MARVELD3: variants seen among roughly 807,000 people sequenced by gnomAD.
MARVELD3 encodes the protein MARVEL domain containing 3, also known as MARVEL domain-containing protein 3.
MARVELD3 carries 28 observed loss-of-function variants against 33.5 expected under a neutral mutation model. The ratio of observed to expected loss-of-function variants is 0.84; its 90% CI spans 0.62 to 1.15. MARVELD3 has a LOEUF of 1.15. Among genes scored for constraint, MARVELD3 ranks in the 50% most tolerant of loss-of-function variants. MARVELD3 has a pLI of 0.00. For missense variants in MARVELD3, 582 were observed against 547.6 expected (o/e 1.06, Z -0.63); for synonymous variants, 241 against 230.4 (o/e 1.05, Z -0.42).
chr16:71,641,255 C>T (rs769781391), downstream of MARVELD3: 4 of 530,784 alleles, frequency 7.5e-6, no homozygotes, highest in Non-Finnish European at 1.3e-5. Flanking sequence ...CAGATTGAGT[C>T]CAGCCTGGCT....
chr16:71,635,109 C>T lies in MARVELD3; in HGVS notation c.*306C>T, dbSNP rs1272091951. The stretch of plus-strand genomic sequence containing the variant: ...TTGGGAGGCTGAGGTGGGTGGATCA[C>T]TTGAGGTCAGGAGCTCGAGACCAGC... On this transcript the variant is annotated 3_prime_UTR_variant, in exon 3 of 3. Transcript: ENST00000268485. 1.0e-6 allele frequency: 1 copy of T among 988,082 alleles called. No homozygotes were observed. Among genetic ancestry groups the T allele is most frequent in the East Asian group, 8.2e-5 (1 of 12,176 alleles). 61.2% of individuals were successfully genotyped at this position (988,082 alleles called of 1,614,324 possible).
chr16:71,631,893 T>C (rs2044537780), intron 2 of MARVELD3, among the ~76,000 whole-genome samples: 2 of 152,192 alleles, frequency 1.3e-5, no homozygotes, highest in African/African-American at 4.8e-5. Flanking sequence ...ATTTAGACAA[T>C]GTGTAGCTGT....
chr16:71,631,817 G>A (rs961436184), intron 2 of MARVELD3, among the ~76,000 whole-genome samples: 1 of 152,168 alleles, frequency 6.6e-6, no homozygotes, highest in Non-Finnish European at 1.5e-5. Context: ...AAACAATAAT[G>A]TTGTTTGCAT....
rs2044570898 is a variant in MARVELD3, at chr16:71,635,101, GT to G, written c.*299del. ...CCAGCACTTTGGGAGGCTGAGGTGG[GT>G]GGATCACTTGAGGTCAGGAGCTCGA... On this transcript the variant is annotated 3_prime_UTR_variant, in exon 3 of 3. Coordinates refer to ENST00000268485, the MANE Select transcript of MARVELD3 (RefSeq NM_052858.6). The G allele has an allele frequency of 2.0e-6, 2 of 1,018,164 alleles. No individual in the cohort carries two copies. Among genetic ancestry groups the G allele is most frequent in the African/African-American group, 3.4e-5 (2 of 59,042 alleles). 63.1% of individuals were successfully genotyped at this position (1,018,164 alleles called of 1,614,324 possible).
chr16:71,632,754 G>A (rs1300682767), intron 2 of MARVELD3, among the ~76,000 whole-genome samples: 1 of 151,762 alleles, frequency 6.6e-6, no homozygotes, highest in Non-Finnish European at 1.5e-5. Flanking sequence ...TGAGATTACA[G>A]GCATGCACCA....
At position 71,626,758 on chromosome 16, in the gene MARVELD3, G is replaced by A; in HGVS notation, c.467+62G>A. ...GGACACCTGTGGCCCAGGCCGGCCCGCGAGGCCCTGGCGTCCCCGGGTTCT... is the reference window on the plus strand; with the variant it reads ...GGACACCTGTGGCCCAGGCCGGCCCACGAGGCCCTGGCGTCCCCGGGTTCT... On this transcript the variant is annotated intron_variant, in intron 1 of 2. Transcript: ENST00000268485. The surrounding 1 kb of genome is among the most constrained non-coding windows in gnomAD (Gnocchi z 5.3). 2 of 1,321,824 alleles carry A rather than the reference G, an allele frequency of 1.5e-6. No individual in the cohort carries two copies. The highest frequency in any genetic ancestry group is 2.8e-4 in the Middle Eastern group (1 of 3,596). 81.9% of individuals were successfully genotyped at this position (1,321,824 alleles called of 1,614,324 possible).
rs111816309 is a variant in MARVELD3 at position 71,631,340 on chromosome 16, T to C, written c.595+1846T>C. 6.3e-3 allele frequency among the ~76,000 whole-genome samples: 957 copies of C among 152,292 alleles called. 15 individuals are homozygous for C. Among genetic ancestry groups the C allele is most frequent in the African/African-American group, 0.022 (895 of 41,568 alleles). Reference sequence around the variant, plus strand: ...TACAAATAAAGTTCAGGAAAAAATATAATATTCACAGTGATTTTTTTAAAT... The same window carrying C: ...TACAAATAAAGTTCAGGAAAAAATACAATATTCACAGTGATTTTTTTAAAT... On this transcript the variant is annotated intron_variant, in intron 2 of 2. Transcript: ENST00000268485.
In MARVELD3 at chr16:71,634,244, GCT is replaced by G; in HGVS notation, c.650_651del (p.Ser217CysfsTer31). The G allele has an allele frequency of 6.2e-7, 1 of 1,613,748 alleles. No homozygotes were observed. Among genetic ancestry groups the G allele is most frequent in the South Asian group, 1.1e-5 (1 of 91,082 alleles). ...CTGAACTTGCTGATCCTGGCCTGCA[GCT>G]CTGTGTCTTACAGTTCCACAGGGGG... On this transcript the variant is annotated frameshift_variant, in exon 3 of 3. Transcript: ENST00000268485. LOFTEE classifies it high-confidence loss of function.
Position 71,634,984 on chromosome 16 carries a change from G to T in MARVELD3, c.*181G>T. 1.4e-6 allele frequency: 2 copies of T among 1,386,084 alleles called. No homozygotes were observed. Among genetic ancestry groups the T allele is most frequent in the Non-Finnish European group, 1.9e-6 (2 of 1,071,576 alleles). The allele number at this position is 1,386,084 out of a possible 1,614,324, so 85.9% of individuals were successfully genotyped here. A position where few individuals can be genotyped will look rare whatever the true frequency, so the allele number is the denominator to read the frequency against. On this transcript the variant is annotated 3_prime_UTR_variant, in exon 3 of 3. Coordinates refer to ENST00000268485, the MANE Select transcript of MARVELD3 (RefSeq NM_052858.6). ...GTGTTCATGGATGCAACAGACCCTGGCTTCTGGAGTCCTCTGTGAGTGAGG... is the reference window on the plus strand; with the variant it reads ...GTGTTCATGGATGCAACAGACCCTGTCTTCTGGAGTCCTCTGTGAGTGAGG...
chr16:71,627,103 C>T (rs1489537154), intron 1 of MARVELD3, among the ~76,000 whole-genome samples: 1 of 152,222 alleles, frequency 6.6e-6, no homozygotes, highest in African/African-American at 2.4e-5. Context: ...CAGAGCCAGC[C>T]CTTCCCGACT....
At position 71,626,817 on chromosome 16, in the gene MARVELD3, G is replaced by T. The variant is rs1477104076; in HGVS notation, c.467+121G>T. 4 of 859,482 alleles carry T rather than the reference G, an allele frequency of 4.7e-6. No individual in the cohort carries two copies. The African/African-American group carries it at 5.4e-5, about 12-fold the overall frequency. 53.2% of individuals were successfully genotyped at this position (859,482 alleles called of 1,614,324 possible). A position where few individuals can be genotyped will look rare whatever the true frequency, so the allele number is the denominator to read the frequency against. ...GAGCCCGTTTAAATGAACAAATGCCGTTTCTCCCTTCTGCGCTCTCAGAGG... is the reference window on the plus strand; with the variant it reads ...GAGCCCGTTTAAATGAACAAATGCCTTTTCTCCCTTCTGCGCTCTCAGAGG... On this transcript the variant is annotated intron_variant, in intron 1 of 2. Transcript: ENST00000268485. The surrounding 1 kb of genome is among the most constrained non-coding windows in gnomAD (Gnocchi z 5.3).
downstream of MARVELD3, among the ~76,000 whole-genome samples, chr16:71,637,291 T>G (rs544386204): frequency 1.8e-4 from 28 of 152,326 alleles, no homozygotes; most frequent in Admixed American, 1.6e-3. Context: ...TGCCTGGGTT[T>G]TGAATCCGTC....
chr16:71,637,985 C>T (rs1393811157), downstream of MARVELD3: 1 of 152,106 alleles, frequency 6.6e-6, no homozygotes, highest in Admixed American at 6.6e-5. Context: ...CTTCATTTGT[C>T]ATATTGTCTG....
Position 71,634,405 on chromosome 16 carries a change from G to C in MARVELD3, c.808G>C (p.Val270Leu), listed in dbSNP as rs1202739454. Residue 270 changes from valine to leucine, a missense_variant, in exon 3 of 3, where the codon GTC (valine) becomes CTC (leucine). Val to Leu is a conservative substitution (Grantham distance 32). Transcript: ENST00000268485. ...GTTCTACCAGCTAAAGCTGCCCATG[G>C]TCACTGTGGCAATGGCCTGTAGTGG... ...VQFYQLKLPMVTVAMACSGAL... is the reference protein window; with the variant it reads ...VQFYQLKLPMLTVAMACSGAL... 1.2e-6 allele frequency: 2 copies of C among 1,614,230 alleles called. No individual in the cohort carries two copies. The highest frequency in any genetic ancestry group is 2.2e-5 in the South Asian group (2 of 91,082).
chr16:71,640,067 G>C (rs2044606182), downstream of MARVELD3, among the ~76,000 whole-genome samples: 1 of 151,998 alleles, frequency 6.6e-6, no homozygotes, highest in Non-Finnish European at 1.5e-5. Context: ...TCAGGAGTTT[G>C]AGACCAGCCT....
At chr16:71,634,041 C>T in intron 2 of MARVELD3, 152 bp from the exon 3 acceptor site, 1 of 1,220,046 alleles carries the variant, frequency 8.2e-7, no homozygotes. Context: ...CTACTGCCCC[C>T]TAGTTTTAAT....
chr16:71,640,522 C>A, downstream of MARVELD3: 2 of 1,614,136 alleles, frequency 1.2e-6, no homozygotes, highest in South Asian at 2.2e-5. Context: ...TACTACTCAC[C>A]GTTCGAGGGC....
At position 71,626,782 on chromosome 16, in the gene MARVELD3, C is replaced by T. The variant is rs111569863; in HGVS notation, c.467+86C>T. On this transcript the variant is annotated intron_variant, in intron 1 of 2. Transcript: ENST00000268485. This position sits in a 1 kb window ranked among gnomAD's most constrained non-coding sequence, Gnocchi z 5.3. ...CGCGAGGCCCTGGCGTCCCCGGGTT[C>T]TCGTCCTAGGAGCCCGTTTAAATGA... 4 of 1,165,518 alleles carry T rather than the reference C, an allele frequency of 3.4e-6. No individual in the cohort carries two copies. Among genetic ancestry groups the T allele is most frequent in the Admixed American group, 7.6e-5 (2 of 26,406 alleles). The allele number at this position is 1,165,518 out of a possible 1,614,324, so 72.2% of individuals were successfully genotyped here. A position where few individuals can be genotyped will look rare whatever the true frequency, so the allele number is the denominator to read the frequency against.
chr16:71,634,891 T>C lies in MARVELD3; in HGVS notation c.*88T>C. ...TCCCAAGAATCCCTTGTTGTGGAAG[T>C]TTCCAGTGCTGGAAAAGCAGCGAGC... On this transcript the variant is annotated 3_prime_UTR_variant, in exon 3 of 3. Coordinates refer to ENST00000268485, the MANE Select transcript of MARVELD3 (RefSeq NM_052858.6). The C allele has an allele frequency of 1.3e-6, 2 of 1,511,856 alleles. No individual in the cohort carries two copies. The highest frequency in any genetic ancestry group is 2.7e-5 in the South Asian group (2 of 73,100). 93.7% of individuals were successfully genotyped at this position (1,511,856 alleles called of 1,614,324 possible).
Sources: gnomAD v4.1 joint callset for allele counts (sites outside exome capture counted in the v4.1 genomes callset) on GRCh38, gnomAD v4.1.1 for gene constraint, Gnocchi (gnomAD v3.1) non-coding constraint, MANE v1.5 for transcripts, NCBI Gene and HGNC (gene_info 2026-07-23, HGNC 2026-07-21) for gene names.